The following PLXNA4 variants were observed in gnomAD, a reference collection of about 807,000 sequenced individuals.
PLXNA4 encodes plexin-A4.
In PLXNA4, 44 loss-of-function variants were observed where a neutral mutation model predicts 191.8. The ratio of observed to expected loss-of-function variants is 0.23; its 90% CI spans 0.18 to 0.29. The LOEUF (loss-of-function observed/expected upper bound fraction) is 0.29, where lower values mean the gene tolerates loss of function less well. Among genes scored for constraint, PLXNA4 ranks in the 10% least tolerant of loss-of-function variants. The pLI is 1.00. For missense variants in PLXNA4, 1,800 were observed against 2,488.8 expected (o/e 0.72, Z 5.89); for synonymous variants, 1,082 against 1,009.5 (o/e 1.07, Z -1.36).
intron 3 of PLXNA4, chr7:132,384,248 A>C: frequency 3.0e-6 from 3 of 985,470 alleles, no homozygotes; most frequent in Non-Finnish European, 3.6e-6. Context: ...CAACAGAACA[A>C]ATCTACAGCA....
intron 4 of PLXNA4, among the ~76,000 whole-genome samples, chr7:132,272,688 T>C (rs1442674226): frequency 6.6e-6 from 1 of 152,234 alleles, no homozygotes. Flanking sequence ...TCTTAACTTA[T>C]GTCCCAGCAA....
chr7:132,442,900 A>G (rs2117256727), intron 3 of PLXNA4, among the ~76,000 whole-genome samples: 1 of 152,322 alleles, frequency 6.6e-6, no homozygotes, highest in East Asian at 1.9e-4. Context: ...CCCGGGACAC[A>G]GTGCCCAAGG....
intron 3 of PLXNA4, among the ~76,000 whole-genome samples, chr7:132,392,891 G>C (rs1271087139): frequency 6.6e-6 from 1 of 152,090 alleles, no homozygotes; most frequent in Non-Finnish European, 1.5e-5. Context: ...ACAAAACCCA[G>C]GAGCCCTAGG....
intron 3 of PLXNA4, among the ~76,000 whole-genome samples, chr7:132,410,598 CAT>C: frequency 6.6e-6 from 1 of 152,304 alleles, no homozygotes; most frequent in East Asian, 1.9e-4. Flanking sequence ...AGGCTGGTGT[CAT>C]AGAGGAAGGA....
At chr7:132,582,837 T>G (rs537340849) in intron 2 of PLXNA4, among the ~76,000 whole-genome samples, 7 of 152,262 alleles carry the variant, frequency 4.6e-5, no homozygotes, top group African/African-American at 1.7e-4. Flanking sequence ...TTAAGCTTAT[T>G]ATTTGAGCCC....
At position 132,363,842 on chromosome 7, in the gene PLXNA4, A is replaced by G. The variant is rs78420667; in HGVS notation, c.1372-65620T>C. ...TTTATAGAGAAGTTGAAGGGTCACAAAGAGATAAAGGTTGAAGAAATTCAA... is the reference window on the plus strand; with the variant it reads ...TTTATAGAGAAGTTGAAGGGTCACAGAGAGATAAAGGTTGAAGAAATTCAA... On this transcript the variant is annotated intron_variant, in intron 3 of 31. Coordinates refer to ENST00000321063, the MANE Select transcript of PLXNA4 (RefSeq NM_020911.2). Among the ~76,000 whole-genome samples, 659 of 152,326 alleles carry G rather than the reference A, an allele frequency of 4.3e-3. 6 individuals are homozygous for G. The highest frequency in any genetic ancestry group is 0.015 in the African/African-American group (632 of 41,536).
At chr7:132,199,059 C>T (rs1797350061) in intron 12 of PLXNA4, among the ~76,000 whole-genome samples, 1 of 152,232 alleles carries the variant, frequency 6.6e-6, no homozygotes, top group African/African-American at 2.4e-5. Context: ...CAAGATCCTT[C>T]TCAAATGACA....
Position 132,124,759 on chromosome 7 carries a change from A to G in PLXNA4, c.*5720T>C, listed in dbSNP as rs1478038688. 1 of 152,230 alleles carries G rather than the reference A, an allele frequency of 6.6e-6. No homozygotes were observed. The highest frequency in any genetic ancestry group is 1.9e-4 in the East Asian group (1 of 5,196). 9.4% of individuals were successfully genotyped at this position (152,230 alleles called of 1,614,324 possible). A position where few individuals can be genotyped will look rare whatever the true frequency, so the allele number is the denominator to read the frequency against. ...TAGACATCAAAGCGGGTGGGAATGG[A>G]ATAAAGTGAGGCTCCCGCAACCCAG... On this transcript the variant is annotated 3_prime_UTR_variant, in exon 32 of 32. Transcript: ENST00000321063.
chr7:132,625,037 C>A (rs547897403), intron 2 of PLXNA4, among the ~76,000 whole-genome samples: 3 of 145,902 alleles, frequency 2.1e-5, no homozygotes, highest in African/African-American at 7.4e-5. Flanking sequence ...GGACTCTGAG[C>A]CCCCCAAAAT....
At chr7:132,563,393 TTTCTC>T (rs1801455905) in intron 1 of PLXNA4, among the ~76,000 whole-genome samples, 1 of 13,288 alleles carries the variant, frequency 7.5e-5, no homozygotes. Flanking sequence ...CCTCCTCCTC[TTTCTC>T]CTCCTCCTCC....
chr7:132,493,812 T>A (rs566361429), intron 2 of PLXNA4, among the ~76,000 whole-genome samples: 3 of 151,784 alleles, frequency 2.0e-5, no homozygotes, highest in Admixed American at 6.6e-5. Flanking sequence ...GACAGATAGA[T>A]AAATAAAAGC....
At chr7:132,136,617 T>TCCTA (rs1290219656) in intron 30 of PLXNA4, among the ~76,000 whole-genome samples, 1 of 152,094 alleles carries the variant, frequency 6.6e-6, no homozygotes, top group Non-Finnish European at 1.5e-5. Flanking sequence ...GTCTGCAGGG[T>TCCTA]CCTAGTCTGT....
In PLXNA4 at chr7:132,123,718, C is replaced by G. The variant is rs189321855; in HGVS notation, c.*6761G>C. On this transcript the variant is annotated 3_prime_UTR_variant, in exon 32 of 32. Transcript: ENST00000321063. ...TCGAGGTGGGAGCTTTAGTTTGAAA[C>G]AGAAGTGGGATGGGGCTGGAAGGGG... 3.3e-5 allele frequency: 5 copies of G among 152,118 alleles called. No individual in the cohort carries two copies. The highest frequency in any genetic ancestry group is 6.5e-5 in the Admixed American group (1 of 15,268). 9.4% of individuals were successfully genotyped at this position (152,118 alleles called of 1,614,324 possible). A position where few individuals can be genotyped will look rare whatever the true frequency, so the allele number is the denominator to read the frequency against.
intron 21 of PLXNA4, among the ~76,000 whole-genome samples, chr7:132,173,815 T>C (rs568890900): frequency 2.0e-5 from 3 of 152,326 alleles, no homozygotes; most frequent in Admixed American, 1.3e-4. Context: ...TTTTGATCCA[T>C]CCAAGCTGTA....
chr7:132,531,049 C>G (rs1490056023), intron 1 of PLXNA4, among the ~76,000 whole-genome samples: 1 of 152,284 alleles, frequency 6.6e-6, no homozygotes, highest in Non-Finnish European at 1.5e-5. Flanking sequence ...GAAAGTAGAA[C>G]AGCGGTTACC....
At chr7:132,512,029 C>G (rs1301662757) in intron 1 of PLXNA4, among the ~76,000 whole-genome samples, 1 of 152,234 alleles carries the variant, frequency 6.6e-6, no homozygotes, top group Non-Finnish European at 1.5e-5. Flanking sequence ...TTCACTCCAG[C>G]AGCTGCTTCC....
At chr7:132,410,164 G>A (rs1794392642) in intron 3 of PLXNA4, among the ~76,000 whole-genome samples, 1 of 152,174 alleles carries the variant, frequency 6.6e-6, no homozygotes, top group South Asian at 2.1e-4. Context: ...GGGCAAACAG[G>A]TAGGAAAGGG....
At chr7:132,225,823 C>A (rs1459664870) in intron 8 of PLXNA4, among the ~76,000 whole-genome samples, 1 of 152,180 alleles carries the variant, frequency 6.6e-6, no homozygotes, top group Non-Finnish European at 1.5e-5. Context: ...TGCACCACCC[C>A]ACAACAGATG....
At chr7:132,229,030 A>G (rs770584313) in intron 5 of PLXNA4, among the ~76,000 whole-genome samples, 2 of 152,174 alleles carry the variant, frequency 1.3e-5, no homozygotes, top group Non-Finnish European at 2.9e-5. Context: ...TCCTACTTTA[A>G]TAAGTCTGGA....
Sources: allele counts gnomAD v4.1 joint callset (sites outside exome capture counted in the v4.1 genomes callset), GRCh38; gene constraint gnomAD v4.1.1; transcripts MANE v1.5; gene names NCBI Gene and HGNC (gene_info 2026-07-23, HGNC 2026-07-21).